F7: variants seen among roughly 807,000 people sequenced by gnomAD.
F7 encodes the protein FVII coagulation protein.
Under a neutral mutation model 47.5 loss-of-function variants are expected in F7, and 38 were observed. That is an observed-to-expected ratio of 0.80 (90% CI 0.62 to 1.05). The LOEUF is 1.05. Among genes scored for constraint, F7 ranks in the 50% least tolerant of loss-of-function variants. The pLI is 0.00. For synonymous variants in F7, 244 were observed against 258.5 expected (o/e 0.94, Z 0.54); for missense variants, 575 against 605.4 (o/e 0.95, Z 0.53).
intron 4 of F7, among the ~76,000 whole-genome samples, chr13:113,114,408 A>G (rs2036158108): frequency 6.6e-6 from 1 of 151,906 alleles, no homozygotes; most frequent in African/African-American, 2.4e-5. Flanking sequence ...TCAGTAATTC[A>G]CTAGAAGGAC....
Position 113,118,922 on chromosome 13 carries a change from AG to A in F7, c.1252del (p.Val418SerfsTer56). 1 of 1,611,720 alleles carries A rather than the reference AG, an allele frequency of 6.2e-7. No homozygotes were observed. The highest frequency in any genetic ancestry group is 8.5e-7 in the Non-Finnish European group (1 of 1,179,898). On this transcript the variant is annotated frameshift_variant, in exon 8 of 8. Coordinates refer to ENST00000346342, the MANE Select transcript of F7 (RefSeq NM_019616.4). LOFTEE classifies it high-confidence loss of function. ...ATVGHFGVYTRVSQYIEWLQK... is the reference protein window; with the variant it reads ...ATVGHFGVYTXVSQYIEWLQK... ...CGTGGGCCACTTTGGGGTGTACACC[AG>A]GGTCTCCCAGTACATCGAGTGGCTG...
intron 7 of F7, among the ~76,000 whole-genome samples, chr13:113,118,095 T>TC (rs985885090): frequency 6.6e-6 from 1 of 152,122 alleles, no homozygotes; most frequent in Non-Finnish European, 1.5e-5. Flanking sequence ...AGACGAGCAC[T>TC]CCCAGGAGGG....
At chr13:113,106,984 C>T (rs2035973467) in intron 1 of F7, 1 of 1,509,990 alleles carries the variant, frequency 6.6e-7, no homozygotes, top group South Asian at 1.2e-5. Context: ...CCTCCCATGG[C>T]AAAGAGCCAG....
chr13:113,108,280 T>A (rs71446944), intron 1 of F7, among the ~76,000 whole-genome samples: 1 of 13,284 alleles, frequency 7.5e-5, no homozygotes. Context: ...TCCCGGGGGT[T>A]GTGGGTGTCC....
intron 4 of F7, chr13:113,114,964 G>C (rs1438065159): frequency 6.4e-6 from 1 of 156,462 alleles, no homozygotes; most frequent in Non-Finnish European, 1.4e-5. Context: ...AAGCAGAAGA[G>C]AGCCCAGCAA....
At chr13:113,116,179 G>A (rs117591691) in intron 5 of F7, among the ~76,000 whole-genome samples, 1 of 152,178 alleles carries the variant, frequency 6.6e-6, no homozygotes, top group Non-Finnish European at 1.5e-5. Flanking sequence ...ACTCGTAAAG[G>A]CTCCTGGGAA....
In F7 at chr13:113,110,804, G is replaced by C. The variant is rs1448296564; in HGVS notation, c.179G>C (p.Cys60Ser). Residue 60 changes from cysteine (C) to serine (S), a missense_variant, in exon 2 of 8, where the codon TGC becomes TCC. Transcript: ENST00000346342. ...SLERECKEEQ[C>S]SFEEAREIFK... is the part of the protein sequence containing the mutation. ...GAGAGGGAGTGCAAGGAGGAGCAGT[G>C]CTCCTTCGAGGAGGCCCGGGAGATC... The C allele has an allele frequency of 1.3e-6, 2 of 1,557,414 alleles. No homozygotes were observed. Among genetic ancestry groups the C allele is most frequent in the African/African-American group, 1.4e-5 (1 of 73,502 alleles).
At position 113,119,854 on chromosome 13, in the gene F7, CT is replaced by C. The variant is rs1377942797; in HGVS notation, c.*848del. On this transcript the variant is annotated 3_prime_UTR_variant, in exon 8 of 8. Transcript: ENST00000346342. ...TTTTCTGGTTCTTATCCATTATCAT[CT>C]TCACTTCAGACAATTCAGAAGCATC... The C allele has an allele frequency of 1.3e-5, 2 of 152,214 alleles. No homozygotes were observed. Among genetic ancestry groups the C allele is most frequent in the African/African-American group, 4.8e-5 (2 of 41,440 alleles). The allele number at this position is 152,214 out of a possible 1,614,324, so 9.4% of individuals were successfully genotyped here.
intron 4 of F7, among the ~76,000 whole-genome samples, chr13:113,114,179 C>A (rs1260251155): frequency 6.6e-6 from 1 of 152,186 alleles, no homozygotes; most frequent in Non-Finnish European, 1.5e-5. Context: ...GACTCAGTGG[C>A]CCCTTGGGCT....
chr13:113,108,725 T>A (rs1242911868), intron 1 of F7, among the ~76,000 whole-genome samples: 3 of 56,146 alleles, frequency 5.3e-5, no homozygotes, highest in African/African-American at 8.0e-5. Flanking sequence ...CCGGGGGTCG[T>A]GGGTGTCCCG....
chr13:113,107,900 A>G (rs1168871672), intron 1 of F7, among the ~76,000 whole-genome samples: 2 of 45,000 alleles, frequency 4.4e-5, no homozygotes, highest in Non-Finnish European at 4.4e-5. Flanking sequence ...AGGGTATCCC[A>G]GAAGTGTGAG....
chr13:113,113,856 A>G lies in F7; in HGVS notation c.260A>G (p.Gln87Arg). 6.2e-7 allele frequency: 1 copy of G among 1,614,192 alleles called. No individual in the cohort carries two copies. Residue 87 changes from glutamine (Q) to arginine (R), a missense_variant, in exon 4 of 8, where the codon CAG becomes CGG. Coordinates refer to ENST00000346342, the MANE Select transcript of F7 (RefSeq NM_019616.4). This position sits in a 1 kb window ranked among gnomAD's most constrained non-coding sequence, Gnocchi z 4.1. ...LFWISYSDGD[Q>R]CASSPCQNGG... Reference sequence around the variant, plus strand: ...CCAGCCCACTCCACAGATGGGGACCAGTGTGCCTCAAGTCCATGCCAGAAT... The same window carrying G: ...CCAGCCCACTCCACAGATGGGGACCGGTGTGCCTCAAGTCCATGCCAGAAT...
chr13:113,117,554 T>G lies in F7; in HGVS notation c.697T>G (p.Phe233Val). 6.2e-7 allele frequency: 1 copy of G among 1,614,102 alleles called. No individual in the cohort carries two copies. The change falls in exon 7 of 8, where the codon TTC becomes GTC. Residue 233 changes from phenylalanine (F) to valine (V), a missense_variant. Physicochemically the swap from Phe to Val is conservative, Grantham distance 50 (BLOSUM62 -1). Transcript: ENST00000346342. ...CTGGGTGGTCTCCGCGGCCCACTGT[T>G]TCGACAAAATCAAGAACTGGAGGAA... Reference protein sequence around the residue: ...TIWVVSAAHCFDKIKNWRNLI... With the variant: ...TIWVVSAAHCVDKIKNWRNLI...
intron 1 of F7, 191 bp from the exon 2 acceptor site, chr13:113,110,499 G>T: frequency 1.4e-6 from 1 of 694,244 alleles, no homozygotes; most frequent in Non-Finnish European, 2.3e-6. Context: ...GGCCGGGAAG[G>T]ATGGGCGACG....
chr13:113,112,922 A>T (rs9604023), intron 2 of F7, among the ~76,000 whole-genome samples: 3,454 of 146,998 alleles, frequency 0.023, 134 homozygotes, highest in African/African-American at 0.083. Flanking sequence ...ATCACCTCAT[A>T]CTCACAGATC....
chr13:113,116,814 G>A lies in F7; in HGVS notation c.554G>A (p.Ser185Asn), dbSNP rs1383480838. 1 of 1,613,924 alleles carries A rather than the reference G, an allele frequency of 6.2e-7. No homozygotes were observed. Among genetic ancestry groups the A allele is most frequent in the Admixed American group, 1.7e-5 (1 of 60,034 alleles). The change falls in exon 6 of 8, where the codon AGC becomes AAC. Residue 185 changes from serine (S) to asparagine (N), a missense_variant. Transcript: ENST00000346342. Reference sequence around the variant, plus strand: ...CCTATTCTAGAAAAAAGAAATGCCAGCAAACCCCAAGGCCGAATTGTGGGG... The same window carrying A: ...CCTATTCTAGAAAAAAGAAATGCCAACAAACCCCAAGGCCGAATTGTGGGG... Reference protein sequence around the residue: ...KIPILEKRNASKPQGRIVGGK... With the variant: ...KIPILEKRNANKPQGRIVGGK...
At position 113,115,645 on chromosome 13, in the gene F7, C is replaced by A; in HGVS notation, c.365-15C>A. The A allele has an allele frequency of 6.2e-7, 1 of 1,611,774 alleles. No homozygotes were observed. The highest frequency in any genetic ancestry group is 1.1e-5 in the South Asian group (1 of 90,806). On this transcript the variant is annotated splice_polypyrimidine_tract_variant and intron_variant, in intron 4 of 7. Coordinates refer to ENST00000346342, the MANE Select transcript of F7 (RefSeq NM_019616.4). ...CCCAGAAGCCCCTCTCAGGGTGTCC[C>A]CTTCCTGTCCCCAGACAAGGATGAC...
chr13:113,117,954 T>A (rs570848427), intron 7 of F7, among the ~76,000 whole-genome samples: 2 of 152,304 alleles, frequency 1.3e-5, no homozygotes, highest in African/African-American at 4.8e-5. Flanking sequence ...CATGCCCAAA[T>A]AAAACGATAA....
In F7 at chr13:113,116,804, A is replaced by T; in HGVS notation, c.544A>T (p.Arg182Ter). 6.2e-7 allele frequency: 1 copy of T among 1,613,920 alleles called. No homozygotes were observed. The highest frequency in any genetic ancestry group is 8.5e-7 in the Non-Finnish European group (1 of 1,180,012). Residue 182 changes from arginine to a stop codon, truncating the protein, a stop_gained, in exon 6 of 8, where the codon AGA becomes TGA. Coordinates refer to ENST00000346342, the MANE Select transcript of F7 (RefSeq NM_019616.4). LOFTEE classifies it high-confidence loss of function. ...PCGKIPILEK[R>*]NASKPQGRIV... The stretch of plus-strand genomic sequence containing the variant: ...TGGAAAAATACCTATTCTAGAAAAA[A>T]GAAATGCCAGCAAACCCCAAGGCCG...
Sources: gnomAD v4.1 joint callset for allele counts (sites outside exome capture counted in the v4.1 genomes callset) on GRCh38, gnomAD v4.1.1 for gene constraint, Gnocchi (gnomAD v3.1) non-coding constraint, MANE v1.5 for transcripts, NCBI Gene and HGNC (gene_info 2026-07-23, HGNC 2026-07-21) for gene names.